The following AGAP1 variants were observed in gnomAD, a reference collection of about 807,000 sequenced individuals.
AGAP1 encodes arf-GAP with GTPase, ANK repeat and PH domain-containing protein 1.
Under a neutral mutation model 105.3 loss-of-function variants are expected in AGAP1, and 29 were observed. The ratio of observed to expected loss-of-function variants is 0.28; its 90% CI spans 0.21 to 0.38. The LOEUF is 0.38. Among genes scored for constraint, AGAP1 ranks in the 10% least tolerant of loss-of-function variants. The pLI is 1.00. For synonymous variants in AGAP1, 509 were observed against 485.9 expected, an observed-to-expected ratio of 1.05 and a Z score of -0.63; for missense variants, 998 against 1,165.1, an observed-to-expected ratio of 0.86 and a Z score of 2.09.
chr2:235,943,402 AC>A (rs1158887113), intron 12 of AGAP1, among the ~76,000 whole-genome samples: 5 of 130,678 alleles, frequency 3.8e-5, no homozygotes, highest in African/African-American at 1.6e-4. Context: ...TTCACTCGTC[AC>A]CCAGGCTGGA....
intron 9 of AGAP1, among the ~76,000 whole-genome samples, chr2:235,817,262 C>T (rs767677819): frequency 4.6e-5 from 7 of 151,984 alleles, no homozygotes; most frequent in Non-Finnish European, 7.3e-5. Flanking sequence ...CGCTGTGGTT[C>T]TCCCTCACAC....
rs116884746 is a variant in AGAP1 at position 235,757,853 on chromosome 2, A to G, written c.673+7365A>G. 1.6e-3 allele frequency among the ~76,000 whole-genome samples: 241 copies of G among 152,294 alleles called. 2 individuals carry two copies. The East Asian group carries it at 0.019, about 12-fold the overall frequency. On this transcript the variant is annotated intron_variant, in intron 6 of 17. Transcript: ENST00000304032. ...AGGAGTGTCCAGAACCAGGGGAGCT[A>G]TGTTAATGAGTCCGTTTGTGCAACC...
chr2:235,711,146 A>G (rs1344873514), intron 2 of AGAP1, among the ~76,000 whole-genome samples: 1 of 152,258 alleles, frequency 6.6e-6, no homozygotes, highest in Non-Finnish European at 1.5e-5. Context: ...CAGTGCCGTC[A>G]CGGCTGGCGC....
chr2:235,774,673 T>A (rs1304478837), intron 6 of AGAP1, among the ~76,000 whole-genome samples: 2 of 152,376 alleles, frequency 1.3e-5, no homozygotes, highest in African/African-American at 4.8e-5. Context: ...GCAGGCTGCC[T>A]GCATCTTTAT....
rs1340742567 is a variant in AGAP1, at chr2:235,874,266, G to T, written c.1051-9079G>T. Reference sequence around the variant, plus strand: ...GGGTTTCACCATGTTTACCGGGATGGTCTCGATCTCCTGACCTTGTGATCT... The same window carrying T: ...GGGTTTCACCATGTTTACCGGGATGTTCTCGATCTCCTGACCTTGTGATCT... On this transcript the variant is annotated intron_variant, in intron 9 of 17. Transcript: ENST00000304032. The surrounding 1 kb of genome is among the most constrained non-coding windows in gnomAD (Gnocchi z 4.5). Among the ~76,000 whole-genome samples, 1 of 151,448 alleles carries T rather than the reference G, an allele frequency of 6.6e-6. No individual in the cohort carries two copies. Among genetic ancestry groups the T allele is most frequent in the Non-Finnish European group, 1.5e-5 (1 of 67,912 alleles).
At chr2:235,666,721 A>T (rs1417871400) in intron 1 of AGAP1, among the ~76,000 whole-genome samples, 1 of 151,378 alleles carries the variant, frequency 6.6e-6, no homozygotes, top group Non-Finnish European at 1.5e-5. Flanking sequence ...AGGTACAGTA[A>T]TTGGGAGACA....
chr2:235,826,596 C>T (rs1363873879), intron 9 of AGAP1, among the ~76,000 whole-genome samples: 1 of 151,976 alleles, frequency 6.6e-6, no homozygotes, highest in Non-Finnish European at 1.5e-5. Context: ...ATTACAGGCG[C>T]CCGCCACCAC....
chr2:235,840,197 C>T (rs1475713716), intron 9 of AGAP1, among the ~76,000 whole-genome samples: 1 of 152,230 alleles, frequency 6.6e-6, no homozygotes, highest in Non-Finnish European at 1.5e-5. Flanking sequence ...TCTTTCATGA[C>T]AGCAAGCTGC....
intron 6 of AGAP1, among the ~76,000 whole-genome samples, chr2:235,773,040 G>T (rs1316217449): frequency 6.6e-6 from 1 of 152,114 alleles, no homozygotes; most frequent in Non-Finnish European, 1.5e-5. Context: ...GGCCTTTTGA[G>T]CAAAGAATTG....
In AGAP1 at chr2:235,599,835, C is replaced by T. The variant is rs150918434; in HGVS notation, c.163+104986C>T. Among the ~76,000 whole-genome samples the T allele has an allele frequency of 2.5e-3, 385 of 152,324 alleles. No individual in the cohort carries two copies. Among genetic ancestry groups the T allele is most frequent in the Non-Finnish European group, 4.5e-3 (303 of 68,042 alleles). On this transcript the variant is annotated intron_variant, in intron 1 of 17. Transcript: ENST00000304032. The surrounding 1 kb of genome is among the most constrained non-coding windows in gnomAD (Gnocchi z 5.3). ...GCAGGGATCCTGGGATGTGATGGCA[C>T]GGTCAGTCGCCCCTGGTGGAGGCAA...
intron 1 of AGAP1, among the ~76,000 whole-genome samples, chr2:235,496,811 G>A (rs1248596550): frequency 1.3e-5 from 2 of 151,600 alleles, no homozygotes; most frequent in African/African-American, 2.4e-5. Context: ...TTGACAGCAC[G>A]ATGCCTACCT....
At chr2:235,682,435 C>T (rs1313541136) in intron 1 of AGAP1, among the ~76,000 whole-genome samples, 5 of 151,986 alleles carry the variant, frequency 3.3e-5, no homozygotes, top group African/African-American at 4.8e-5. Flanking sequence ...CTCTGCCTCC[C>T]GGGTTCAAGA....
intron 2 of AGAP1, among the ~76,000 whole-genome samples, chr2:235,709,568 T>C (rs529718430): frequency 6.6e-6 from 1 of 151,814 alleles, no homozygotes; most frequent in East Asian, 1.9e-4. Context: ...GATTTGTCCT[T>C]TGCAGGATGT....
Position 235,700,945 on chromosome 2 carries a change from A to AAT in AGAP1, c.164-8225_164-8224dup, listed in dbSNP as rs555752113. 3.4e-5 allele frequency among the ~76,000 whole-genome samples: 5 copies of AAT among 147,340 alleles called. No homozygotes were observed. The East Asian group carries it at 7.8e-4, about 23-fold the overall frequency. ...GTATTACACATGCTAGCATATTTGT[A>AAT]ATATATATATTATGTATTATGTATA... On this transcript the variant is annotated intron_variant, in intron 1 of 17. Coordinates refer to ENST00000304032, the MANE Select transcript of AGAP1 (RefSeq NM_001037131.3). The surrounding 1 kb of genome is among the most constrained non-coding windows in gnomAD (Gnocchi z 6.1).
intron 11 of AGAP1, among the ~76,000 whole-genome samples, chr2:235,912,789 T>A (rs766208784): frequency 6.6e-6 from 1 of 152,234 alleles, no homozygotes; most frequent in Non-Finnish European, 1.5e-5. Flanking sequence ...ACACACTTGC[T>A]AATGCTATTA....
In AGAP1 at chr2:235,659,229, C is replaced by T. The variant is rs990971614; in HGVS notation, c.164-49950C>T. 1.1e-4 allele frequency among the ~76,000 whole-genome samples: 17 copies of T among 152,206 alleles called. No individual in the cohort carries two copies. The highest frequency in any genetic ancestry group is 3.9e-4 in the African/African-American group (16 of 41,436). On this transcript the variant is annotated intron_variant, in intron 1 of 17. Transcript: ENST00000304032. The surrounding 1 kb of genome is among the most constrained non-coding windows in gnomAD (Gnocchi z 5.0). ...CACCCTTTACAGTGAGATCCAGGGACCTTTTTAACCTGTGACTGACTTTTT... is the reference window on the plus strand; with the variant it reads ...CACCCTTTACAGTGAGATCCAGGGATCTTTTTAACCTGTGACTGACTTTTT...
intron 1 of AGAP1, among the ~76,000 whole-genome samples, chr2:235,682,999 A>G (rs892939626): frequency 1.3e-5 from 2 of 152,016 alleles, no homozygotes; most frequent in Non-Finnish European, 2.9e-5. Flanking sequence ...CGCAAAGTAA[A>G]TTCTTCCCTT....
At chr2:236,102,297 G>A (rs1296431536) in intron 16 of AGAP1, among the ~76,000 whole-genome samples, 1 of 147,050 alleles carries the variant, frequency 6.8e-6, no homozygotes, top group Non-Finnish European at 1.5e-5. Flanking sequence ...GGTGCCTGTG[G>A]TCCGAGCCAC....
At chr2:235,694,350 G>C (rs1309949923) in intron 1 of AGAP1, among the ~76,000 whole-genome samples, 2 of 151,774 alleles carry the variant, frequency 1.3e-5, no homozygotes, top group East Asian at 1.9e-4. Context: ...GTGGTGGCGG[G>C]CGCATGTATT....
Sources: gnomAD v4.1 joint callset for allele counts (sites outside exome capture counted in the v4.1 genomes callset) on GRCh38, gnomAD v4.1.1 for gene constraint, Gnocchi (gnomAD v3.1) non-coding constraint, MANE v1.5 for transcripts, NCBI Gene and HGNC (gene_info 2026-07-23, HGNC 2026-07-21) for gene names.